The following ELMO1 variants were observed in gnomAD, a reference collection of about 807,000 sequenced individuals.
ELMO1 encodes the protein engulfment and cell motility protein 1.
In ELMO1, 26 loss-of-function variants were observed where a neutral mutation model predicts 98.9. The observed-to-expected ratio is 0.26, with a 90% confidence interval of 0.19 to 0.36. The LOEUF is 0.36. Among genes scored for constraint, ELMO1 ranks in the 10% least tolerant of loss-of-function variants. ELMO1 has a pLI of 1.00. For synonymous variants in ELMO1, 346 were observed against 346.0 expected (o/e 1.00, Z 0.00); for missense variants, 627 against 935.2 (o/e 0.67, Z 4.30).
At chr7:37,092,423 G>T (rs1784156773) in intron 15 of ELMO1, among the ~76,000 whole-genome samples, 1 of 130,232 alleles carries the variant, frequency 7.7e-6, no homozygotes, top group East Asian at 2.4e-4. Context: ...CTGTCGCCCA[G>T]GCTGGAGGGC....
chr7:37,274,536 C>A (rs754978482), intron 4 of ELMO1, among the ~76,000 whole-genome samples: 2 of 152,038 alleles, frequency 1.3e-5, no homozygotes, highest in African/African-American at 4.8e-5. Flanking sequence ...GGGTATGAAG[C>A]GGCCAGGAGG....
intron 16 of ELMO1, among the ~76,000 whole-genome samples, chr7:36,940,643 G>T (rs1434512639): frequency 6.6e-6 from 1 of 152,170 alleles, no homozygotes; most frequent in Non-Finnish European, 1.5e-5. Flanking sequence ...AATGCAAATT[G>T]CCTAGCACAT....
At chr7:37,284,490 G>C (rs529538678) in intron 4 of ELMO1, among the ~76,000 whole-genome samples, 32 of 152,124 alleles carry the variant, frequency 2.1e-4, no homozygotes, top group Non-Finnish European at 1.2e-4. Context: ...TATTACATCA[G>C]ACTGCAGGCT....
rs113467326 is a variant in ELMO1 at position 37,118,597 on chromosome 7, G to A, written c.1191+14533C>T. 6.7e-3 allele frequency among the ~76,000 whole-genome samples: 1,015 copies of A among 152,294 alleles called. 10 individuals carry two copies. Among genetic ancestry groups the A allele is most frequent in the African/African-American group, 0.023 (961 of 41,556 alleles). On this transcript the variant is annotated intron_variant, in intron 14 of 21. Coordinates refer to ENST00000310758, the MANE Select transcript of ELMO1 (RefSeq NM_014800.11). ...TACATCAATCAAGTACTACTTTAAG[G>A]AGTGGGAACGGGAACAATCAACTCA...
Position 37,096,657 on chromosome 7 carries a change from G to A in ELMO1, c.1262C>T (p.Thr421Ile). 2 of 1,614,088 alleles carry A rather than the reference G, an allele frequency of 1.2e-6. No homozygotes were observed. The highest frequency in any genetic ancestry group is 3.3e-4 in the Middle Eastern group (2 of 6,060). Residue 421 changes from threonine to isoleucine, a missense_variant, in exon 15 of 22, where the codon ACC becomes ATC. Transcript: ENST00000310758. ...TTTCAAGATCTCACATAGCATCTTG[G>A]TCAGCTCTATACTACTGCGGCCAAA... ...CPFGRSSIEL[T>I]KMLCEILKVG...
intron 19 of ELMO1, among the ~76,000 whole-genome samples, chr7:36,876,901 AAAG>A (rs1375375686): frequency 6.6e-5 from 10 of 152,228 alleles, no homozygotes; most frequent in Non-Finnish European, 1.3e-4. Context: ...TTTTCCTATG[AAAG>A]AAAACAAGAT....
At chr7:36,942,898 T>G (rs566201070) in intron 16 of ELMO1, among the ~76,000 whole-genome samples, 3 of 152,164 alleles carry the variant, frequency 2.0e-5, no homozygotes, top group Non-Finnish European at 4.4e-5. Context: ...GAAGAAAAGA[T>G]GTCCAAGGAT....
chr7:37,308,625 G>A (rs1798735843), intron 4 of ELMO1, among the ~76,000 whole-genome samples: 2 of 152,216 alleles, frequency 1.3e-5, no homozygotes, highest in Admixed American at 1.3e-4. Flanking sequence ...TTATCAGGAA[G>A]GTTAGAGATA....
intron 15 of ELMO1, among the ~76,000 whole-genome samples, chr7:37,040,396 T>A (rs1795435487): frequency 2.0e-5 from 3 of 152,206 alleles, no homozygotes; most frequent in Admixed American, 2.0e-4. Context: ...GGTCTTCCAA[T>A]GCAAGACCAA....
intron 1 of ELMO1, among the ~76,000 whole-genome samples, chr7:37,370,761 C>A (rs1313338560): frequency 6.6e-6 from 1 of 152,114 alleles, no homozygotes. Flanking sequence ...ATCTGACAGC[C>A]CCCAAGTTTT....
chr7:37,377,131 C>A (rs1030581724), intron 1 of ELMO1, among the ~76,000 whole-genome samples: 2 of 152,164 alleles, frequency 1.3e-5, no homozygotes, highest in African/African-American at 4.8e-5. Context: ...TGGCTGACTG[C>A]AAGTTTTGGA....
At chr7:37,211,053 C>T in intron 13 of ELMO1, 1 of 225,102 alleles carries the variant, frequency 4.4e-6, no homozygotes, top group Non-Finnish European at 8.9e-6. Flanking sequence ...TAAGATCCAT[C>T]ACTCATTTAA....
chr7:37,128,244 A>G (rs1241459344), intron 14 of ELMO1, among the ~76,000 whole-genome samples: 2 of 152,114 alleles, frequency 1.3e-5, no homozygotes, highest in Non-Finnish European at 2.9e-5. Flanking sequence ...AGAAAAACAA[A>G]ACATCTACAA....
chr7:37,316,964 C>T (rs1049970439), intron 2 of ELMO1, among the ~76,000 whole-genome samples: 1 of 152,060 alleles, frequency 6.6e-6, no homozygotes, highest in Non-Finnish European at 1.5e-5. Flanking sequence ...GCGTAAGTAA[C>T]CGCAATTTTC....
chr7:37,140,489 C>A (rs1462423208), intron 13 of ELMO1, among the ~76,000 whole-genome samples: 1 of 151,892 alleles, frequency 6.6e-6, no homozygotes, highest in Non-Finnish European at 1.5e-5. Context: ...ACTTAATGAC[C>A]AAGAACCCAA....
intron 1 of ELMO1, among the ~76,000 whole-genome samples, chr7:37,389,693 T>C (rs1204064067): frequency 2.6e-5 from 4 of 152,172 alleles, no homozygotes; most frequent in Admixed American, 1.3e-4. Flanking sequence ...CAGACCCTGA[T>C]ATTCAGCTTT....
At chr7:36,982,502 A>G (rs115342500) in intron 16 of ELMO1, among the ~76,000 whole-genome samples, 1,649 of 152,334 alleles carry the variant, frequency 0.011, 26 homozygotes, top group South Asian at 0.031. Flanking sequence ...GACAGCATCA[A>G]TGTAAAATGA....
At chr7:37,082,856 G>C (rs1185038840) in intron 15 of ELMO1, among the ~76,000 whole-genome samples, 1 of 152,176 alleles carries the variant, frequency 6.6e-6, no homozygotes, top group Non-Finnish European at 1.5e-5. Context: ...TATTCCCCAG[G>C]AGCCCTTTAT....
At chr7:37,216,821 A>C in intron 10 of ELMO1, 126 bp from the exon 11 acceptor site, 2 of 927,572 alleles carry the variant, frequency 2.2e-6, no homozygotes, top group Non-Finnish European at 3.4e-6. Flanking sequence ...TTATGAAATA[A>C]TGAACTCAAA....
Sources: allele counts gnomAD v4.1 joint callset (sites outside exome capture counted in the v4.1 genomes callset), GRCh38; gene constraint gnomAD v4.1.1; transcripts MANE v1.5; gene names NCBI Gene and HGNC (gene_info 2026-07-23, HGNC 2026-07-21).